Variants in OLFML1 observed in about 807,000 individuals in gnomAD.
OLFML1 encodes the protein olfactomedin-like protein 1.
Under a neutral mutation model 37.3 loss-of-function variants are expected in OLFML1, and 33 were observed. That is an observed-to-expected ratio of 0.88 (90% CI 0.67 to 1.18). OLFML1 has a LOEUF of 1.18. Among genes scored for constraint, OLFML1 ranks in the 50% most tolerant of loss-of-function variants. OLFML1 has a pLI of 0.00. For synonymous variants in OLFML1, 186 were observed against 181.3 expected, an observed-to-expected ratio of 1.03 and a Z score of -0.21; for missense variants, 545 against 483.7, an observed-to-expected ratio of 1.13 and a Z score of -1.19.
At position 7,510,266 on chromosome 11, in the gene OLFML1, A is replaced by G. The variant is rs568037962; in HGVS notation, c.*78A>G. 865 of 1,124,040 alleles carry G rather than the reference A, an allele frequency of 7.7e-4. 2 individuals carry two copies. Among genetic ancestry groups the G allele is most frequent in the Non-Finnish European group, 9.7e-4 (776 of 799,156 alleles). 69.6% of individuals were successfully genotyped at this position (1,124,040 alleles called of 1,614,324 possible). ...ACAGTGAGGCTATAGCCCCTTCACA[A>G]TATAGTATCCCTCTAATCACACACA... On this transcript the variant is annotated 3_prime_UTR_variant, in exon 3 of 3. Transcript: ENST00000329293.
At chr11:7,502,525 G>C (rs1186372054) in intron 2 of OLFML1, among the ~76,000 whole-genome samples, 1 of 151,848 alleles carries the variant, frequency 6.6e-6, no homozygotes, top group African/African-American at 2.4e-5. Flanking sequence ...ATGGATTCCA[G>C]GGAAAAAAGA....
chr11:7,509,588 T>A lies in OLFML1; in HGVS notation c.609T>A (p.Ala203=), dbSNP rs1376135651. The A allele has an allele frequency of 1.2e-6, 2 of 1,614,140 alleles. No homozygotes were observed. Among genetic ancestry groups the A allele is most frequent in the Admixed American group, 1.7e-5 (1 of 60,018 alleles). ...TCATGGAGGATAACACCAAGCCAGCTCCCCGGAAGCAAATCCTAACACTTT... is the reference window on the plus strand; with the variant it reads ...TCATGGAGGATAACACCAAGCCAGCACCCCGGAAGCAAATCCTAACACTTT... ...RAFMEDNTKP[A]PRKQILTLSW... Residue 203 remains alanine, a synonymous_variant, in exon 3 of 3, where the codon GCT becomes GCA. Transcript: ENST00000329293.
At chr11:7,509,172 C>T (rs1040614200) in intron 2 of OLFML1, among the ~76,000 whole-genome samples, 115 of 152,254 alleles carry the variant, frequency 7.6e-4, no homozygotes, top group African/African-American at 2.6e-3. Flanking sequence ...TTTAAATGCC[C>T]TTTTTCTTAA....
chr11:7,495,038 AG>A (rs1848646265), intron 2 of OLFML1, among the ~76,000 whole-genome samples: 1 of 152,180 alleles, frequency 6.6e-6, no homozygotes, highest in Non-Finnish European at 1.5e-5. Flanking sequence ...TTAACAGAAT[AG>A]TCACACACAC....
At chr11:7,495,426 C>T (rs975081572) in intron 2 of OLFML1, among the ~76,000 whole-genome samples, 3 of 152,082 alleles carry the variant, frequency 2.0e-5, no homozygotes, top group African/African-American at 7.2e-5. Flanking sequence ...GTAATACTCA[C>T]GAATTAAATA....
intron 2 of OLFML1, among the ~76,000 whole-genome samples, chr11:7,507,644 GTTCAAGTGATTCTCCTGCC>G (rs1358340787): frequency 6.6e-6 from 1 of 151,904 alleles, no homozygotes; most frequent in African/African-American, 2.4e-5. Flanking sequence ...CGCCTCCTGG[GTTCAAGTGATTCTCCTGCC>G]TCAGCTTGCC....
intron 2 of OLFML1, 170 bp downstream of exon 2, chr11:7,488,585 G>C (rs1848556623): frequency 3.7e-6 from 2 of 544,324 alleles, no homozygotes; most frequent in African/African-American, 3.8e-5. Flanking sequence ...TGTCCAAAGA[G>C]AAATCCATTC....
intron 2 of OLFML1, among the ~76,000 whole-genome samples, chr11:7,501,449 G>A (rs1171376002): frequency 1.3e-5 from 2 of 152,238 alleles, no homozygotes; most frequent in African/African-American, 2.4e-5. Flanking sequence ...GGCTGATGAA[G>A]CATGTCAGCA....
chr11:7,498,763 C>A (rs1848689775), intron 2 of OLFML1, among the ~76,000 whole-genome samples: 1 of 152,218 alleles, frequency 6.6e-6, no homozygotes, highest in Non-Finnish European at 1.5e-5. Context: ...TCTTCCCAAG[C>A]CAACCTGCTT....
intron 2 of OLFML1, among the ~76,000 whole-genome samples, chr11:7,494,552 T>C (rs1014833610): frequency 3.3e-5 from 5 of 152,246 alleles, no homozygotes; most frequent in African/African-American, 4.8e-5. Flanking sequence ...GAGCTGCACT[T>C]TGACCCAGAC....
intron 2 of OLFML1, among the ~76,000 whole-genome samples, chr11:7,496,174 C>A (rs1408965206): frequency 6.6e-6 from 1 of 152,204 alleles, no homozygotes; most frequent in African/African-American, 2.4e-5. Context: ...GGCCTCTGCT[C>A]CTGCAGGAGG....
chr11:7,502,770 T>A (rs1295653641), intron 2 of OLFML1, among the ~76,000 whole-genome samples: 4 of 152,118 alleles, frequency 2.6e-5, no homozygotes, highest in Admixed American at 2.0e-4. Flanking sequence ...CATGCCTGGC[T>A]AATTTTTGTA....
intron 2 of OLFML1, among the ~76,000 whole-genome samples, chr11:7,508,961 A>C (rs1848818351): frequency 6.6e-6 from 1 of 152,268 alleles, no homozygotes; most frequent in Non-Finnish European, 1.5e-5. Context: ...AATAGCTGTT[A>C]ATATCCTGAA....
intron 2 of OLFML1, among the ~76,000 whole-genome samples, chr11:7,505,195 C>A (rs142653413): frequency 1.3e-3 from 199 of 151,824 alleles, no homozygotes; most frequent in African/African-American, 4.5e-3. Context: ...TGGCCTTCCA[C>A]AGTGCTGGGC....
intron 2 of OLFML1, 60 bp from the exon 3 acceptor site, chr11:7,509,338 C>T: frequency 7.4e-7 from 1 of 1,344,104 alleles, no homozygotes; most frequent in Non-Finnish European, 1.0e-6. Context: ...GGGGAGCCTT[C>T]CAGAAAGCAG....
In OLFML1 at chr11:7,488,425, C is replaced by A; in HGVS notation, c.418+10C>A. On this transcript the variant is annotated intron_variant, in intron 2 of 2. Transcript: ENST00000329293. ...ACTCTGCTGAATGCAAGTAAGAAAA[C>A]TGCATCTTTTCCTAGCCCTTCTAGG... is the stretch of plus-strand genomic sequence containing the variant. The A allele has an allele frequency of 6.2e-7, 1 of 1,603,584 alleles. No homozygotes were observed.
intron 2 of OLFML1, among the ~76,000 whole-genome samples, chr11:7,497,767 C>T (rs186168485): frequency 7.5e-4 from 114 of 152,272 alleles, no homozygotes; most frequent in African/African-American, 2.6e-3. Context: ...GCTAGAAAAA[C>T]CTATGATACG....
intron 2 of OLFML1, among the ~76,000 whole-genome samples, chr11:7,493,707 G>T (rs1360604885): frequency 2.6e-5 from 4 of 152,232 alleles, no homozygotes; most frequent in African/African-American, 9.6e-5. Flanking sequence ...CATCTGAAAG[G>T]TCTGTGGGCT....
intron 2 of OLFML1, among the ~76,000 whole-genome samples, chr11:7,502,622 T>C (rs76117836): frequency 2.0e-5 from 3 of 152,052 alleles, no homozygotes; most frequent in African/African-American, 7.2e-5. Context: ...TTTTTTTTTT[T>C]CTGGGACAGA....
Sources: gnomAD v4.1 joint callset for allele counts (sites outside exome capture counted in the v4.1 genomes callset) on GRCh38, gnomAD v4.1.1 for gene constraint, MANE v1.5 for transcripts, NCBI Gene and HGNC (gene_info 2026-07-23, HGNC 2026-07-21) for gene names.